CDK19: variants seen among roughly 807,000 people sequenced by gnomAD.
CDK19 encodes the protein cyclin dependent kinase 19.
Under a neutral mutation model 68.3 loss-of-function variants are expected in CDK19, and 20 were observed. That is an observed-to-expected ratio of 0.29 (90% CI 0.21 to 0.43). The LOEUF is 0.43. Ranked by LOEUF, CDK19 falls within the 20% of genes least tolerant of loss-of-function variation. The probability of loss-of-function intolerance (pLI) is 1.00; values close to 1 mark genes in which losing one functional copy is unlikely to be tolerated. For missense variants in CDK19, 339 were observed against 623.5 expected (o/e 0.54, Z 4.86); for synonymous variants, 221 against 222.8 (o/e 0.99, Z 0.07).
At chr6:110,733,202 C>CATAT (rs1207763316) in intron 2 of CDK19, among the ~76,000 whole-genome samples, 4 of 152,144 alleles carry the variant, frequency 2.6e-5, no homozygotes, top group African/African-American at 4.8e-5. Context: ...AAACCATACC[C>CATAT]ATATGTGTTA....
intron 1 of CDK19, among the ~76,000 whole-genome samples, chr6:110,754,033 C>CTT (rs751347932): frequency 0.16 from 21,497 of 138,652 alleles, 1,780 homozygotes; most frequent in East Asian, 0.32. Context: ...TTGGCAAATT[C>CTT]TTTTTTTTTT....
At chr6:110,615,304 T>A (rs1471206389) in intron 12 of CDK19, among the ~76,000 whole-genome samples, 2 of 152,214 alleles carry the variant, frequency 1.3e-5, no homozygotes, top group South Asian at 2.1e-4. Context: ...TGCATTTCAA[T>A]TCAATGTATT....
intron 2 of CDK19, among the ~76,000 whole-genome samples, chr6:110,685,707 T>C (rs1194744624): frequency 6.6e-6 from 1 of 152,206 alleles, no homozygotes; most frequent in Non-Finnish European, 1.5e-5. Context: ...TTTAGATGGC[T>C]TCAAAGTTAA....
chr6:110,788,915 C>T lies in CDK19; in HGVS notation c.128+26094G>A, dbSNP rs149338691. 2.4e-3 allele frequency among the ~76,000 whole-genome samples: 368 copies of T among 152,272 alleles called. 1 individual carries two copies. The highest frequency in any genetic ancestry group is 8.5e-3 in the African/African-American group (354 of 41,556). Reference sequence around the variant, plus strand: ...ACTTCTGGCATGATTAGTGGCACTCCATATGGGTGCCATGGTGTTATTCAA... The same window carrying T: ...ACTTCTGGCATGATTAGTGGCACTCTATATGGGTGCCATGGTGTTATTCAA... On this transcript the variant is annotated intron_variant, in intron 1 of 12. Transcript: ENST00000368911.
intron 2 of CDK19, among the ~76,000 whole-genome samples, chr6:110,685,152 G>A (rs1458659841): frequency 1.3e-5 from 2 of 151,986 alleles, no homozygotes; most frequent in African/African-American, 4.8e-5. Flanking sequence ...AAAAAGAAAA[G>A]AAAACCTTAT....
intron 4 of CDK19, chr6:110,643,072 G>T: frequency 1.9e-6 from 1 of 528,678 alleles, no homozygotes; most frequent in Non-Finnish European, 2.9e-6. Flanking sequence ...TGGGCCACCA[G>T]CAAGGTAAGG....
At chr6:110,635,372 C>T (rs975424147) in intron 5 of CDK19, among the ~76,000 whole-genome samples, 3 of 152,062 alleles carry the variant, frequency 2.0e-5, no homozygotes, top group African/African-American at 7.2e-5. Flanking sequence ...GAAAGTGGGA[C>T]TTGGGCTGGA....
chr6:110,656,332 TC>T (rs1020996906), intron 4 of CDK19, among the ~76,000 whole-genome samples: 1 of 151,916 alleles, frequency 6.6e-6, no homozygotes, highest in Non-Finnish European at 1.5e-5. Flanking sequence ...AACCACTACT[TC>T]CCCCCACAGA....
At chr6:110,788,148 G>T (rs536173152) in intron 1 of CDK19, among the ~76,000 whole-genome samples, 2 of 150,154 alleles carry the variant, frequency 1.3e-5, no homozygotes, top group South Asian at 4.2e-4. Context: ...CCTGTTTTTT[G>T]TTTTTTTGTT....
At position 110,621,610 on chromosome 6, in the gene CDK19, T is replaced by A. The variant is rs1778722231; in HGVS notation, c.1111-240A>T. On this transcript the variant is annotated intron_variant, in intron 11 of 12. Coordinates refer to ENST00000368911, the MANE Select transcript of CDK19 (RefSeq NM_015076.5). The surrounding 1 kb of genome is among the most constrained non-coding windows in gnomAD (Gnocchi z 5.4). ...GTTCATTTAGACTGCACAGTGATCC[T>A]CCAAATCAGTCACAGACATCTCACT... Among the ~76,000 whole-genome samples, 1 of 152,116 alleles carries A rather than the reference T, an allele frequency of 6.6e-6. No homozygotes were observed. Among genetic ancestry groups the A allele is most frequent in the African/African-American group, 2.4e-5 (1 of 41,420 alleles).
chr6:110,654,688 C>T (rs556339831), intron 4 of CDK19, among the ~76,000 whole-genome samples: 2 of 152,334 alleles, frequency 1.3e-5, no homozygotes, highest in African/African-American at 2.4e-5. Context: ...TGCCTGTAAT[C>T]CCAGAACATT....
chr6:110,654,306 T>C (rs1188863744), intron 4 of CDK19, among the ~76,000 whole-genome samples: 2 of 152,154 alleles, frequency 1.3e-5, no homozygotes, highest in Non-Finnish European at 2.9e-5. Flanking sequence ...AAGAGTAAAA[T>C]CTATGCCTTT....
intron 1 of CDK19, among the ~76,000 whole-genome samples, chr6:110,765,210 G>A (rs1779492721): frequency 6.6e-6 from 1 of 151,924 alleles, no homozygotes; most frequent in Non-Finnish European, 1.5e-5. Context: ...TTGAATCCAG[G>A]AGTTTGAGAC....
At position 110,638,389 on chromosome 6, in the gene CDK19, G is replaced by T. The variant is rs555108786; in HGVS notation, c.514+260C>A. ...GGTGGTGACATAAACACATGCTTGGGTTACTGTATGGGAATGAATGCTTTT... is the reference window on the plus strand; with the variant it reads ...GGTGGTGACATAAACACATGCTTGGTTTACTGTATGGGAATGAATGCTTTT... On this transcript the variant is annotated intron_variant, in intron 5 of 12. Coordinates refer to ENST00000368911, the MANE Select transcript of CDK19 (RefSeq NM_015076.5). Among the ~76,000 whole-genome samples the T allele has an allele frequency of 8.5e-5, 13 of 152,272 alleles. No homozygotes were observed. The South Asian group carries it at 2.1e-3, about 24-fold the overall frequency.
At chr6:110,622,615 C>T (rs554211904) in intron 10 of CDK19, among the ~76,000 whole-genome samples, 200 bp downstream of exon 10, 4 of 152,300 alleles carry the variant, frequency 2.6e-5, no homozygotes, top group Non-Finnish European at 5.9e-5. Flanking sequence ...GACAAATGGT[C>T]GTTCCTAAAA....
In CDK19 at chr6:110,800,219, T is replaced by C. The variant is rs113390794; in HGVS notation, c.128+14790A>G. 3.3e-5 allele frequency among the ~76,000 whole-genome samples: 5 copies of C among 152,262 alleles called. No individual in the cohort carries two copies. The South Asian group carries it at 6.2e-4, about 19-fold the overall frequency. On this transcript the variant is annotated intron_variant, in intron 1 of 12. Coordinates refer to ENST00000368911, the MANE Select transcript of CDK19 (RefSeq NM_015076.5). ...GGTGTATTACTTCCTTTAACATTCA[T>C]GTTAGAAAGACACAATCTCTAAAGA...
In CDK19 at chr6:110,733,204, T is replaced by A. The variant is rs375313457; in HGVS notation, c.204+12922A>T. Among the ~76,000 whole-genome samples, 6 of 152,306 alleles carry A rather than the reference T, an allele frequency of 3.9e-5. No individual in the cohort carries two copies. The South Asian group carries it at 1.2e-3, about 32-fold the overall frequency. On this transcript the variant is annotated intron_variant, in intron 2 of 12. Coordinates refer to ENST00000368911, the MANE Select transcript of CDK19 (RefSeq NM_015076.5). ...TTTCATATAAATAAAACCATACCCATATGTGTTATTTTGTATCTGGCTTCT... is the reference window on the plus strand; with the variant it reads ...TTTCATATAAATAAAACCATACCCAAATGTGTTATTTTGTATCTGGCTTCT...
At chr6:110,620,137 G>T (rs1778613064) in intron 12 of CDK19, among the ~76,000 whole-genome samples, 1 of 151,998 alleles carries the variant, frequency 6.6e-6, no homozygotes, top group Non-Finnish European at 1.5e-5. Context: ...TGCTTGCAGG[G>T]ATATTCTGAA....
chr6:110,635,687 G>GCAC (rs1251447297), intron 5 of CDK19, among the ~76,000 whole-genome samples: 1 of 151,980 alleles, frequency 6.6e-6, no homozygotes, highest in Non-Finnish European at 1.5e-5. Context: ...TTACAGGCAC[G>GCAC]CACCACCACG....
Sources: gnomAD v4.1 joint callset for allele counts (sites outside exome capture counted in the v4.1 genomes callset) on GRCh38, gnomAD v4.1.1 for gene constraint, Gnocchi (gnomAD v3.1) non-coding constraint, MANE v1.5 for transcripts, NCBI Gene and HGNC (gene_info 2026-07-23, HGNC 2026-07-21) for gene names.